ADAMTSL1: variants seen among roughly 807,000 people sequenced by gnomAD.
The protein encoded by ADAMTSL1 is ADAMTS-like protein 1.
ADAMTSL1 carries 126 observed loss-of-function variants against 201.8 expected under a neutral mutation model. The observed-to-expected ratio is 0.62, with a 90% CI of 0.54 to 0.72. ADAMTSL1 has a LOEUF of 0.72. Ranked by LOEUF, ADAMTSL1 falls within the 30% of genes least tolerant of loss-of-function variation. ADAMTSL1 has a pLI of 0.00. For synonymous variants in ADAMTSL1, 1,121 were observed against 903.4 expected (o/e 1.24, Z -4.32); for missense variants, 2,679 against 2,277.8 (o/e 1.18, Z -3.59).
At chr9:18,858,422 G>A (rs570503092) in intron 23 of ADAMTSL1, among the ~76,000 whole-genome samples, 10 of 152,246 alleles carry the variant, frequency 6.6e-5, no homozygotes, top group African/African-American at 1.9e-4. Context: ...GGACTACCAC[G>A]GCTCCCTGTC....
chr9:17,948,237 C>T (rs1282265855), intron 1 of ADAMTSL1, among the ~76,000 whole-genome samples: 3 of 152,194 alleles, frequency 2.0e-5, no homozygotes, highest in Admixed American at 2.0e-4. Context: ...GATAAAACCA[C>T]TGTAGCAAGA....
At chr9:18,388,004 CT>C (rs1208040877) in intron 2 of ADAMTSL1, among the ~76,000 whole-genome samples, 1 of 144,956 alleles carries the variant, frequency 6.9e-6, no homozygotes, top group Admixed American at 6.8e-5. Flanking sequence ...GAATTTATAT[CT>C]TTTTTCATAC....
Position 18,661,982 on chromosome 9 carries a change from G to C in ADAMTSL1, c.994G>C (p.Val332Leu), listed in dbSNP as rs574508977. 7.4e-6 allele frequency: 12 copies of C among 1,613,778 alleles called. No homozygotes were observed. In the East Asian group the frequency reaches 2.5e-4, roughly 33 times the overall value. ...AECYDLRSNR[V>L]VADQYCHYYP... ...GTGCTACGATCTGAGGAGCAACCGT[G>C]TGGTTGCTGACCAATACTGTCACTA... is the stretch of plus-strand genomic sequence containing the variant. Residue 332 changes from valine to leucine, a missense_variant, in exon 9 of 29, where the codon GTG (valine) becomes CTG (leucine). Coordinates refer to ENST00000380548, the MANE Select transcript of ADAMTSL1 (RefSeq NM_001040272.6).
intron 2 of ADAMTSL1, among the ~76,000 whole-genome samples, chr9:18,167,976 A>G (rs563452426): frequency 6.6e-6 from 1 of 152,122 alleles, no homozygotes; most frequent in Admixed American, 6.6e-5. Flanking sequence ...AACAAATGTG[A>G]TCTAATTGCT....
chr9:18,890,806 A>G (rs1829209584), intron 25 of ADAMTSL1: 1 of 335,084 alleles, frequency 3.0e-6, no homozygotes, highest in Non-Finnish European at 5.9e-6. Flanking sequence ...GACATTCACC[A>G]GGGATATAAG....
At chr9:18,338,388 A>G (rs1392883215) in intron 2 of ADAMTSL1, among the ~76,000 whole-genome samples, 1 of 151,616 alleles carries the variant, frequency 6.6e-6, no homozygotes, top group Non-Finnish European at 1.5e-5. Context: ...TCAGGTTCCT[A>G]CCCTTCCTGC....
At chr9:18,381,800 G>C (rs57834735) in intron 2 of ADAMTSL1, among the ~76,000 whole-genome samples, 3,201 of 151,936 alleles carry the variant, frequency 0.021, 135 homozygotes, top group African/African-American at 0.074. Flanking sequence ...ATTAGACTTT[G>C]ATTCCCTTCA....
intron 9 of ADAMTSL1, among the ~76,000 whole-genome samples, chr9:18,673,693 A>C (rs916655938): frequency 5.9e-5 from 9 of 152,194 alleles, no homozygotes; most frequent in Non-Finnish European, 1.3e-4. Flanking sequence ...GTTTATTCTA[A>C]TATTGAAGAT....
chr9:18,267,274 T>G (rs369909895), intron 2 of ADAMTSL1, among the ~76,000 whole-genome samples: 5 of 152,254 alleles, frequency 3.3e-5, no homozygotes, highest in Admixed American at 2.6e-4. Flanking sequence ...ATTTCTTACT[T>G]CATAGTATGA....
intron 14 of ADAMTSL1, among the ~76,000 whole-genome samples, chr9:18,708,110 G>T (rs1832336196): frequency 6.6e-6 from 1 of 152,098 alleles, no homozygotes; most frequent in Non-Finnish European, 1.5e-5. Flanking sequence ...ATAACCGGTG[G>T]AAAAAAGCAC....
At chr9:18,413,501 C>T (rs1818542142) in intron 2 of ADAMTSL1, among the ~76,000 whole-genome samples, 1 of 152,092 alleles carries the variant, frequency 6.6e-6, no homozygotes, top group Admixed American at 6.6e-5. Context: ...TGCTTATCTA[C>T]CGATTCTGTG....
chr9:18,584,169 A>G (rs1189948116), intron 4 of ADAMTSL1, among the ~76,000 whole-genome samples: 1 of 152,186 alleles, frequency 6.6e-6, no homozygotes, highest in African/African-American at 2.4e-5. Flanking sequence ...AACTCCCACA[A>G]TTCCCACGTG....
At chr9:18,438,351 G>A (rs886481315) in intron 2 of ADAMTSL1, among the ~76,000 whole-genome samples, 2 of 152,154 alleles carry the variant, frequency 1.3e-5, no homozygotes, top group Admixed American at 6.5e-5. Context: ...ACACAGGCCA[G>A]TTTTGCTTTC....
intron 1 of ADAMTSL1, among the ~76,000 whole-genome samples, chr9:17,932,125 C>T (rs1020517478): frequency 6.6e-6 from 1 of 152,188 alleles, no homozygotes; most frequent in Admixed American, 6.5e-5. Context: ...TAGAGGATCT[C>T]TGTTCAGAGG....
rs547232489 is a variant in ADAMTSL1, at chr9:18,653,504, A to G, written c.835-4135A>G. ...ACCCTGAGCTAGGTAGGTTGGGCAC[A>G]GTGGCTTATGCCTGGAATGCTGGCA... On this transcript the variant is annotated intron_variant, in intron 7 of 28. Transcript: ENST00000380548. Among the ~76,000 whole-genome samples, 3 of 152,082 alleles carry G rather than the reference A, an allele frequency of 2.0e-5. No individual in the cohort carries two copies. The South Asian group carries it at 6.2e-4, about 31-fold the overall frequency.
chr9:18,290,612 T>C (rs1051119407), intron 2 of ADAMTSL1, among the ~76,000 whole-genome samples: 2 of 151,708 alleles, frequency 1.3e-5, no homozygotes, highest in African/African-American at 4.8e-5. Context: ...CCAACATCCA[T>C]ACTTGATGAA....
chr9:18,645,631 T>C (rs942405402), intron 7 of ADAMTSL1, among the ~76,000 whole-genome samples: 2 of 151,780 alleles, frequency 1.3e-5, no homozygotes, highest in African/African-American at 2.4e-5. Context: ...CCCAGCACCA[T>C]TTATTAAATA....
intron 2 of ADAMTSL1, among the ~76,000 whole-genome samples, chr9:18,422,079 T>C (rs1005524191): frequency 6.6e-6 from 1 of 152,184 alleles, no homozygotes; most frequent in Non-Finnish European, 1.5e-5. Context: ...TATAACTGCA[T>C]CCAGCTCATC....
intron 1 of ADAMTSL1, among the ~76,000 whole-genome samples, chr9:18,000,053 C>T (rs531624529): frequency 2.0e-4 from 30 of 147,918 alleles, no homozygotes; most frequent in African/African-American, 3.0e-4. Flanking sequence ...TGAATAATGC[C>T]GCAATAAACA....
Sources: allele counts gnomAD v4.1 joint callset (sites outside exome capture counted in the v4.1 genomes callset), GRCh38; gene constraint gnomAD v4.1.1; transcripts MANE v1.5; gene names NCBI Gene and HGNC (gene_info 2026-07-23, HGNC 2026-07-21).